WDR70: variants seen among roughly 807,000 people sequenced by gnomAD.
WDR70 encodes the protein WD repeat domain 70, also known as WD repeat-containing protein 70.
A neutral mutation model predicts 88.6 loss-of-function variants in WDR70; 53 were observed. The ratio of observed to expected loss-of-function variants is 0.60; its 90% CI spans 0.48 to 0.75. The LOEUF is 0.75. WDR70 is among the 30% of genes least tolerant of loss of function. The pLI, the probability that WDR70 is intolerant of heterozygous loss-of-function variation, is 0.00. For synonymous variants in WDR70, 280 were observed against 270.0 expected, an observed-to-expected ratio of 1.04 and a Z score of -0.36; for missense variants, 610 against 823.2, an observed-to-expected ratio of 0.74 and a Z score of 3.17.
At chr5:37,641,029 C>T (rs1207384853) in intron 10 of WDR70, among the ~76,000 whole-genome samples, 2 of 152,190 alleles carry the variant, frequency 1.3e-5, no homozygotes, top group African/African-American at 4.8e-5. Flanking sequence ...TGCTGTGGGT[C>T]TTTGGAACTA....
chr5:37,573,755 C>G (rs1742978864), intron 9 of WDR70, among the ~76,000 whole-genome samples: 1 of 151,756 alleles, frequency 6.6e-6, no homozygotes, highest in Non-Finnish European at 1.5e-5. Context: ...ACCTCAGAGC[C>G]CATTTCAGTT....
chr5:37,432,298 C>T (rs1750330284), intron 5 of WDR70, among the ~76,000 whole-genome samples: 1 of 151,884 alleles, frequency 6.6e-6, no homozygotes, highest in South Asian at 2.1e-4. Flanking sequence ...TTTGCATTTC[C>T]TTAATTATTA....
intron 5 of WDR70, among the ~76,000 whole-genome samples, chr5:37,434,407 CTT>C (rs1285162059): frequency 6.6e-6 from 1 of 152,184 alleles, no homozygotes; most frequent in Non-Finnish European, 1.5e-5. Flanking sequence ...CTAGAATAGA[CTT>C]TAATTCTGGT....
intron 7 of WDR70, chr5:37,479,445 C>G: frequency 6.4e-6 from 1 of 155,706 alleles, no homozygotes; most frequent in Non-Finnish European, 1.4e-5. Context: ...TCTTGGCTCA[C>G]TGCAACTTCT....
chr5:37,550,905 G>C (rs946014895), intron 9 of WDR70, among the ~76,000 whole-genome samples: 5 of 151,780 alleles, frequency 3.3e-5, no homozygotes, highest in African/African-American at 1.2e-4. Context: ...TTTTTGGTTT[G>C]AGGTTACTAT....
At chr5:37,600,485 C>T (rs1161733521) in intron 9 of WDR70, among the ~76,000 whole-genome samples, 3 of 143,680 alleles carry the variant, frequency 2.1e-5, no homozygotes, top group African/African-American at 7.6e-5. Context: ...CGAGATTGCG[C>T]CACTGCACTC....
intron 10 of WDR70, among the ~76,000 whole-genome samples, chr5:37,642,796 A>G (rs1346605377): frequency 6.6e-6 from 1 of 152,180 alleles, no homozygotes; most frequent in African/African-American, 2.4e-5. Context: ...TCTTTTGAGA[A>G]ATGTCTATTC....
intron 10 of WDR70, among the ~76,000 whole-genome samples, chr5:37,691,958 G>A (rs913858341): frequency 2.0e-5 from 3 of 151,950 alleles, no homozygotes; most frequent in African/African-American, 4.8e-5. Flanking sequence ...TAGACCACTA[G>A]CAAGACTAAC....
chr5:37,482,906 A>G (rs1463172965), intron 8 of WDR70, among the ~76,000 whole-genome samples: 2 of 152,096 alleles, frequency 1.3e-5, no homozygotes, highest in Admixed American at 1.3e-4. Context: ...GAGAGCTGAC[A>G]TGCTGTGGTA....
chr5:37,749,002 G>A (rs557514405), intron 17 of WDR70, among the ~76,000 whole-genome samples: 50 of 152,332 alleles, frequency 3.3e-4, no homozygotes, highest in African/African-American at 1.1e-3. Flanking sequence ...CTTTTATACT[G>A]TTGGTGGGAA....
At chr5:37,656,758 C>T (rs562605177) in intron 10 of WDR70, among the ~76,000 whole-genome samples, 17 of 152,276 alleles carry the variant, frequency 1.1e-4, no homozygotes, top group African/African-American at 2.9e-4. Flanking sequence ...AGGGGAAAAC[C>T]GCCTCCTCAA....
intron 11 of WDR70, among the ~76,000 whole-genome samples, chr5:37,699,217 A>C (rs1489863121): frequency 1.3e-5 from 2 of 152,048 alleles, no homozygotes; most frequent in African/African-American, 4.8e-5. Context: ...AGGTGAGCCC[A>C]AAATTACTCA....
chr5:37,744,438 T>C (rs1748581844), intron 17 of WDR70, among the ~76,000 whole-genome samples: 1 of 151,912 alleles, frequency 6.6e-6, no homozygotes, highest in African/African-American at 2.4e-5. Context: ...GAGGGACAAA[T>C]TGACAGAGGT....
At chr5:37,734,748 G>A (rs1002172383) in intron 17 of WDR70, among the ~76,000 whole-genome samples, 13 of 151,938 alleles carry the variant, frequency 8.6e-5, no homozygotes, top group African/African-American at 3.1e-4. Context: ...AATACCTAGG[G>A]GAAGAGCATC....
intron 10 of WDR70, among the ~76,000 whole-genome samples, chr5:37,612,455 G>A (rs1026791170): frequency 2.0e-5 from 3 of 151,962 alleles, no homozygotes; most frequent in Non-Finnish European, 4.4e-5. Flanking sequence ...ACAAAATGAG[G>A]GCATGATCCC....
At chr5:37,575,833 C>G (rs887808356) in intron 9 of WDR70, among the ~76,000 whole-genome samples, 1 of 152,112 alleles carries the variant, frequency 6.6e-6, no homozygotes, top group Non-Finnish European at 1.5e-5. Flanking sequence ...ACCAAACTTG[C>G]GATTGGCATC....
chr5:37,637,701 G>A (rs1172876428), intron 10 of WDR70, among the ~76,000 whole-genome samples: 1 of 152,114 alleles, frequency 6.6e-6, no homozygotes, highest in African/African-American at 2.4e-5. Flanking sequence ...AGACAATCAC[G>A]TCTCCCGATG....
chr5:37,423,712 C>T (rs1411906174), intron 5 of WDR70, among the ~76,000 whole-genome samples: 1 of 149,968 alleles, frequency 6.7e-6, no homozygotes, highest in Non-Finnish European at 1.5e-5. Context: ...TACAGGCAGC[C>T]GCCACCACAC....
chr5:37,703,032 T>C lies in WDR70; in HGVS notation c.1361T>C (p.Val454Ala), dbSNP rs1371816599. 6.2e-7 allele frequency: 1 copy of C among 1,613,970 alleles called. No individual in the cohort carries two copies. The highest frequency in any genetic ancestry group is 1.1e-5 in the South Asian group (1 of 91,058). Residue 454 changes from valine to alanine, a missense_variant, in exon 13 of 18, where the codon GTT becomes GCT. By Grantham distance (64) the Val-to-Ala change is moderately conservative (BLOSUM62 0). Coordinates refer to ENST00000265107, the MANE Select transcript of WDR70 (RefSeq NM_018034.4). ...IQRGCGSGKL[V>A]FFERRTFQRV... ...AGAGGATGTGGCAGCGGCAAACTTG[T>C]TTTCTTTGAGCGTAGGACTTTCCAA...
Sources: allele counts gnomAD v4.1 joint callset (sites outside exome capture counted in the v4.1 genomes callset), GRCh38; gene constraint gnomAD v4.1.1; transcripts MANE v1.5; gene names NCBI Gene and HGNC (gene_info 2026-07-23, HGNC 2026-07-21).